ZNF420: variants seen among roughly 807,000 people sequenced by gnomAD.
The protein encoded by ZNF420 is zinc finger protein 420, also known as ATM and p53-associated KZNF protein.
In ZNF420, 31 loss-of-function variants were observed where a neutral mutation model predicts 44.7. The observed-to-expected ratio is 0.69, with a 90% CI of 0.52 to 0.94. ZNF420 has a LOEUF of 0.94. ZNF420 is among the 40% of genes least tolerant of loss of function. The pLI is 0.00. For missense variants in ZNF420, 681 were observed against 827.9 expected (o/e 0.82, Z 2.18); for synonymous variants, 245 against 267.4 (o/e 0.92, Z 0.82).
At position 37,128,930 on chromosome 19, in the gene ZNF420, G is replaced by A. The variant is rs1568484919; in HGVS notation, c.1939G>A (p.Glu647Lys). ...HTGEKPYQCK[E>K]CGKAFTRGSQ... Reference sequence around the variant, plus strand: ...TGGTGAGAAACCATATCAATGTAAGGAATGTGGGAAGGCCTTTACTCGTGG... The same window carrying A: ...TGGTGAGAAACCATATCAATGTAAGAAATGTGGGAAGGCCTTTACTCGTGG... The change falls in exon 5 of 5, where the codon GAA becomes AAA. Residue 647 changes from glutamate (E) to lysine (K), a missense_variant. This residue lies in a region of ZNF420 where 280 missense variants were observed against 338.6 expected (regional missense o/e 0.83). Coordinates refer to ENST00000337995, the MANE Select transcript of ZNF420 (RefSeq NM_144689.5). The A allele has an allele frequency of 1.2e-6, 2 of 1,614,140 alleles. No individual in the cohort carries two copies. The highest frequency in any genetic ancestry group is 1.7e-6 in the Non-Finnish European group (2 of 1,180,002).
intron 1 of ZNF420, among the ~76,000 whole-genome samples, chr19:37,013,715 T>C (rs1458471538): frequency 6.6e-6 from 1 of 152,126 alleles, no homozygotes; most frequent in Non-Finnish European, 1.5e-5. Context: ...TGGTGTCAGC[T>C]TAAAGTTCAT....
chr19:37,101,353 G>T (rs1321142451), intron 4 of ZNF420, among the ~76,000 whole-genome samples: 1 of 152,106 alleles, frequency 6.6e-6, no homozygotes. Context: ...AAATTAGCTG[G>T]CCATGGTGGT....
intron 4 of ZNF420, among the ~76,000 whole-genome samples, chr19:37,121,440 G>A (rs1219725849): frequency 2.0e-5 from 3 of 149,032 alleles, no homozygotes; most frequent in Non-Finnish European, 3.0e-5. Context: ...AGCTGAAACT[G>A]GATCCCTTCC....
At chr19:37,104,103 T>C (rs1969937139) in intron 4 of ZNF420, among the ~76,000 whole-genome samples, 1 of 152,002 alleles carries the variant, frequency 6.6e-6, no homozygotes, top group African/African-American at 2.4e-5. Flanking sequence ...TTACATTAGG[T>C]ATATCTCCTA....
chr19:37,052,352 C>T (rs1277791652), intron 1 of ZNF420, among the ~76,000 whole-genome samples: 5 of 151,652 alleles, frequency 3.3e-5, no homozygotes, highest in African/African-American at 7.3e-5. Context: ...GAGCATTTAG[C>T]CCATTTACAT....
At chr19:37,027,581 C>A (rs1217220365) in intron 1 of ZNF420, among the ~76,000 whole-genome samples, 1 of 152,174 alleles carries the variant, frequency 6.6e-6, no homozygotes, top group African/African-American at 2.4e-5. Context: ...ATTCATCCTT[C>A]CCTCTGCTCA....
At chr19:37,105,094 A>G (rs1297153819) in intron 4 of ZNF420, among the ~76,000 whole-genome samples, 4 of 152,120 alleles carry the variant, frequency 2.6e-5, no homozygotes, top group African/African-American at 7.2e-5. Flanking sequence ...CCTGAATGGT[A>G]TTGCCTAGGT....
chr19:37,030,306 C>T (rs1260241120), intron 1 of ZNF420, among the ~76,000 whole-genome samples: 2 of 152,102 alleles, frequency 1.3e-5, no homozygotes, highest in Non-Finnish European at 2.9e-5. Context: ...TGATTACAGG[C>T]GTGTGCCAAC....
chr19:37,094,379 C>T (rs1007377969), intron 4 of ZNF420, among the ~76,000 whole-genome samples: 2 of 151,962 alleles, frequency 1.3e-5, no homozygotes, highest in African/African-American at 2.4e-5. Flanking sequence ...GTTTGGAAAA[C>T]GTACAGTATT....
At chr19:37,088,969 A>T (rs1968981541) in intron 2 of ZNF420, 70 bp from the exon 3 acceptor site, 1 of 727,818 alleles carries the variant, frequency 1.4e-6, no homozygotes, top group African/African-American at 1.8e-5. Flanking sequence ...AACAACAAAG[A>T]TAATTCCAAC....
Position 37,080,374 on chromosome 19 carries a change from G to A in ZNF420, c.-95G>A, listed in dbSNP as rs962945293. 1.3e-5 allele frequency: 2 copies of A among 152,630 alleles called. No individual in the cohort carries two copies. Among genetic ancestry groups the A allele is most frequent in the Non-Finnish European group, 1.5e-5 (1 of 68,032 alleles). The allele number at this position is 152,630 out of a possible 1,614,324, so 9.5% of individuals were successfully genotyped here. Reference sequence around the variant, plus strand: ...CAGAGGAGAAAGAATGGCTGTTTCAGTAGCAATGTCCAAGGTGAGTATTTC... The same window carrying A: ...CAGAGGAGAAAGAATGGCTGTTTCAATAGCAATGTCCAAGGTGAGTATTTC... On this transcript the variant is annotated 5_prime_UTR_variant, in exon 2 of 5. Coordinates refer to ENST00000337995, the MANE Select transcript of ZNF420 (RefSeq NM_144689.5).
At position 37,130,028 on chromosome 19, in the gene ZNF420, A is replaced by C. The variant is rs562412496; in HGVS notation, c.*970A>C. The stretch of plus-strand genomic sequence containing the variant: ...TTTTAGTAACAAATTTCTGGGCTGA[A>C]AATCTCAGCCTTCCTTGCAGGTCAA... On this transcript the variant is annotated 3_prime_UTR_variant, in exon 5 of 5. Coordinates refer to ENST00000337995, the MANE Select transcript of ZNF420 (RefSeq NM_144689.5). 1.7e-5 allele frequency: 26 copies of C among 1,530,822 alleles called. No individual in the cohort carries two copies. Among genetic ancestry groups the C allele is most frequent in the Non-Finnish European group, 2.2e-5 (25 of 1,137,220 alleles). 94.8% of individuals were successfully genotyped at this position (1,530,822 alleles called of 1,614,324 possible).
chr19:37,130,015 A>G lies in ZNF420; in HGVS notation c.*957A>G, dbSNP rs1248060614. The stretch of plus-strand genomic sequence containing the variant: ...TCTATTTTCTCTTTTTTAGTAACAA[A>G]TTTCTGGGCTGAAAATCTCAGCCTT... On this transcript the variant is annotated 3_prime_UTR_variant, in exon 5 of 5. Coordinates refer to ENST00000337995, the MANE Select transcript of ZNF420 (RefSeq NM_144689.5). 1.3e-6 allele frequency: 2 copies of G among 1,518,470 alleles called. No homozygotes were observed. The highest frequency in any genetic ancestry group is 2.5e-5 in the South Asian group (2 of 79,396). 94.1% of individuals were successfully genotyped at this position (1,518,470 alleles called of 1,614,324 possible).
At chr19:37,065,147 A>G (rs899423457) in intron 1 of ZNF420, among the ~76,000 whole-genome samples, 1 of 152,174 alleles carries the variant, frequency 6.6e-6, no homozygotes, top group Non-Finnish European at 1.5e-5. Flanking sequence ...CAATCCTGGG[A>G]GAGCAAGGAG....
chr19:37,037,854 C>T (rs550939932), intron 1 of ZNF420, among the ~76,000 whole-genome samples: 3 of 152,252 alleles, frequency 2.0e-5, no homozygotes, highest in South Asian at 4.1e-4. Context: ...AGCTCTATTG[C>T]GATATTCGCC....
intron 1 of ZNF420, among the ~76,000 whole-genome samples, chr19:37,048,360 T>C (rs1174116609): frequency 6.6e-6 from 1 of 152,224 alleles, no homozygotes; most frequent in Non-Finnish European, 1.5e-5. Context: ...AATGAATTGA[T>C]TCTAAAGCTT....
At position 37,129,046 on chromosome 19, in the gene ZNF420, A is replaced by G; in HGVS notation, c.2055A>G (p.Gln685=). 6.2e-7 allele frequency: 1 copy of G among 1,609,816 alleles called. No individual in the cohort carries two copies. The highest frequency in any genetic ancestry group is 8.5e-7 in the Non-Finnish European group (1 of 1,176,664). ...GGATTGACTTTAGTCATGGCTCACA[A>G]GTTTACATGTGAATTGTCTGATTAT... ...ECGIDFSHGS[Q]VYM is the part of the protein sequence containing the mutation. Residue 685 remains glutamine, a synonymous_variant, in exon 5 of 5, where the codon CAA becomes CAG. Coordinates refer to ENST00000337995, the MANE Select transcript of ZNF420 (RefSeq NM_144689.5).
At chr19:37,116,630 G>C (rs1028785564) in intron 4 of ZNF420, among the ~76,000 whole-genome samples, 1 of 152,146 alleles carries the variant, frequency 6.6e-6, no homozygotes, top group Admixed American at 6.5e-5. Flanking sequence ...GCAGCACACT[G>C]TGTGCGAGCC....
intron 1 of ZNF420, among the ~76,000 whole-genome samples, chr19:37,022,281 G>T (rs1368646744): frequency 6.6e-6 from 1 of 151,472 alleles, no homozygotes; most frequent in African/African-American, 2.4e-5. Flanking sequence ...ATAATTAAAT[G>T]TATAATAAAA....
Sources: gnomAD v4.1 joint callset for allele counts (sites outside exome capture counted in the v4.1 genomes callset) on GRCh38, gnomAD v4.1.1 for gene constraint, gnomAD v4.1.1 regional missense constraint, MANE v1.5 for transcripts, NCBI Gene and HGNC (gene_info 2026-07-23, HGNC 2026-07-21) for gene names.